The following EHMT1 variants were observed in gnomAD, a reference collection of about 807,000 sequenced individuals.
EHMT1 encodes the protein euchromatic histone lysine methyltransferase 1, also known as histone-lysine N-methyltransferase EHMT1.
A neutral mutation model predicts 147.2 loss-of-function variants in EHMT1; 15 were observed. The observed-to-expected ratio is 0.10, with a 90% CI of 0.07 to 0.16. The LOEUF (loss-of-function observed/expected upper bound fraction) is 0.16, where lower values mean the gene tolerates loss of function less well. Ranked by LOEUF, EHMT1 falls within the 10% of genes least tolerant of loss-of-function variation. The pLI, the probability that EHMT1 is intolerant of heterozygous loss-of-function variation, is 1.00. For synonymous variants in EHMT1, 795 were observed against 709.6 expected, an observed-to-expected ratio of 1.12 and a Z score of -1.91; for missense variants, 1,587 against 1,772.4, an observed-to-expected ratio of 0.90 and a Z score of 1.88.
intron 10 of EHMT1, among the ~76,000 whole-genome samples, chr9:137,771,871 G>T (rs1203782084): frequency 6.6e-6 from 1 of 152,166 alleles, no homozygotes; most frequent in African/African-American, 2.4e-5. Context: ...GGAGGCTTTT[G>T]TATCTCGCTC....
At chr9:137,712,311 G>A (rs566229303) in intron 2 of EHMT1, among the ~76,000 whole-genome samples, 5 of 152,274 alleles carry the variant, frequency 3.3e-5, no homozygotes, top group African/African-American at 9.6e-5. Flanking sequence ...TTTAGGCTTT[G>A]CCTGTGCCCT....
intron 2 of EHMT1, 49 bp from the exon 3 acceptor site, chr9:137,716,577 C>G (rs772860550): frequency 6.7e-7 from 1 of 1,502,212 alleles, no homozygotes; most frequent in Admixed American, 2.1e-5. Flanking sequence ...GTGGTGGTGC[C>G]ATGGAGAGCG....
chr9:137,704,444 G>A (rs990607759), intron 1 of EHMT1, among the ~76,000 whole-genome samples: 1 of 152,184 alleles, frequency 6.6e-6, no homozygotes, highest in African/African-American at 2.4e-5. Context: ...TTAATTTTAA[G>A]AAACATGGAC....
chr9:137,701,662 T>C (rs1162020471), intron 1 of EHMT1, among the ~76,000 whole-genome samples: 14 of 141,700 alleles, frequency 9.9e-5, no homozygotes, highest in African/African-American at 3.7e-4. Flanking sequence ...AGTTTTGCTC[T>C]TGTTGCCCAG....
chr9:137,784,179 G>A (rs544322837), intron 15 of EHMT1: 21 of 1,551,146 alleles, frequency 1.4e-5, no homozygotes, highest in South Asian at 2.4e-5. Flanking sequence ...TGCTGTTCCC[G>A]AACACAGCCA....
intron 3 of EHMT1, among the ~76,000 whole-genome samples, chr9:137,726,343 G>A (rs184937179): frequency 3.4e-4 from 52 of 152,268 alleles, no homozygotes; most frequent in Admixed American, 2.4e-3. Context: ...ACGACTCTAG[G>A]GACCTCCTGT....
At chr9:137,710,421 C>T (rs375544898) in intron 1 of EHMT1, among the ~76,000 whole-genome samples, 51 of 152,268 alleles carry the variant, frequency 3.3e-4, no homozygotes, top group East Asian at 1.9e-3. Flanking sequence ...TGCAGTGAGC[C>T]GAGATCGCGC....
At position 137,726,652 on chromosome 9, in the gene EHMT1, T is replaced by G. The variant is rs57459706; in HGVS notation, c.643-1697T>G. ...GGCACGTGCCCAGCAGTGGAACTGC[T>G]GGATCACATGGTAGTTCCACACTTA... On this transcript the variant is annotated intron_variant, in intron 3 of 26. Coordinates refer to ENST00000460843, the MANE Select transcript of EHMT1 (RefSeq NM_024757.5). 1.7e-3 allele frequency among the ~76,000 whole-genome samples: 259 copies of G among 152,356 alleles called. 9 individuals carry two copies. In the East Asian group the frequency reaches 0.049, roughly 29 times the overall value.
At chr9:137,701,592 G>A (rs1943831661) in intron 1 of EHMT1, among the ~76,000 whole-genome samples, 2 of 150,946 alleles carry the variant, frequency 1.3e-5, no homozygotes, top group South Asian at 2.1e-4. Flanking sequence ...TTGAGTAGCT[G>A]GGATTACAGG....
At chr9:137,681,173 A>G (rs1941906041) in intron 1 of EHMT1, among the ~76,000 whole-genome samples, 1 of 152,170 alleles carries the variant, frequency 6.6e-6, no homozygotes, top group Admixed American at 6.5e-5. Context: ...ACTGCAAGCA[A>G]GAAAGGAGGG....
At chr9:137,752,557 T>G (rs980124173) in intron 7 of EHMT1, 149 bp downstream of exon 7, 1 of 920,138 alleles carries the variant, frequency 1.1e-6, no homozygotes, top group Non-Finnish European at 1.7e-6. Context: ...CACAGATGGG[T>G]CCTGTCCCTG....
At chr9:137,817,745 G>C (rs1401531008) in intron 24 of EHMT1, 3 of 651,592 alleles carry the variant, frequency 4.6e-6, no homozygotes, top group Admixed American at 2.6e-5. Context: ...ATTTAAGAAG[G>C]CGTGGTCCAG....
At chr9:137,834,120 G>T (rs1424408169) in intron 25 of EHMT1, 28 of 610,832 alleles carry the variant, frequency 4.6e-5, no homozygotes, top group Non-Finnish European at 1.1e-5. Context: ...CCCCACCACA[G>T]ACGGAGGCCC....
At chr9:137,704,808 C>T (rs369801060) in intron 1 of EHMT1, among the ~76,000 whole-genome samples, 1 of 142,174 alleles carries the variant, frequency 7.0e-6, no homozygotes, top group East Asian at 2.1e-4. Context: ...TCCCGCCCTC[C>T]CTCCCTCCTT....
intron 1 of EHMT1, among the ~76,000 whole-genome samples, chr9:137,672,233 ACTT>A (rs1462672442): frequency 6.6e-6 from 1 of 152,244 alleles, no homozygotes; most frequent in African/African-American, 2.4e-5. Flanking sequence ...TTAAAAGAAT[ACTT>A]CATTTTCATA....
chr9:137,725,770 A>G (rs13290032), intron 3 of EHMT1, among the ~76,000 whole-genome samples: 44,709 of 151,922 alleles, frequency 0.29, 7,558 homozygotes, highest in Admixed American at 0.44. Context: ...AGACAGAGAG[A>G]GGTGGAGACC....
Position 137,654,107 on chromosome 9 carries a change from C to T in EHMT1, c.21+35058C>T, listed in dbSNP as rs547276932. Among the ~76,000 whole-genome samples, 471 of 152,176 alleles carry T rather than the reference C, an allele frequency of 3.1e-3. 4 individuals are homozygous for T. The highest frequency in any genetic ancestry group is 4.7e-3 in the Non-Finnish European group (317 of 68,000). ...AAAAATTAATTGACCATAGGCTGGGCGCGGTGGCTCACGCCTGTAATCCCA... is the reference window on the plus strand; with the variant it reads ...AAAAATTAATTGACCATAGGCTGGGTGCGGTGGCTCACGCCTGTAATCCCA... On this transcript the variant is annotated intron_variant, in intron 1 of 26. Coordinates refer to ENST00000460843, the MANE Select transcript of EHMT1 (RefSeq NM_024757.5).
At chr9:137,727,625 G>A (rs1946753321) in intron 3 of EHMT1, among the ~76,000 whole-genome samples, 1 of 152,218 alleles carries the variant, frequency 6.6e-6, no homozygotes, top group Non-Finnish European at 1.5e-5. Flanking sequence ...GCACAGTAAA[G>A]TGTGGTTCAG....
At chr9:137,704,129 G>A (rs1588255350) in intron 1 of EHMT1, among the ~76,000 whole-genome samples, 1 of 152,132 alleles carries the variant, frequency 6.6e-6, no homozygotes, top group African/African-American at 2.4e-5. Flanking sequence ...CAGCAAGGGG[G>A]ACATCTGCCC....
Sources: gnomAD v4.1 joint callset for allele counts (sites outside exome capture counted in the v4.1 genomes callset) on GRCh38, gnomAD v4.1.1 for gene constraint, MANE v1.5 for transcripts, NCBI Gene and HGNC (gene_info 2026-07-23, HGNC 2026-07-21) for gene names.